The following EPHA6 variants were observed in gnomAD, a reference collection of about 807,000 sequenced individuals.
The protein encoded by EPHA6 is ephrin type-A receptor 6.
A neutral mutation model predicts 112.0 loss-of-function variants in EPHA6; 50 were observed. The observed-to-expected ratio is 0.45, with a 90% CI of 0.36 to 0.56. EPHA6 has a LOEUF of 0.56. EPHA6 is among the 20% of genes least tolerant of loss of function. The pLI, the probability that EPHA6 is intolerant of heterozygous loss-of-function variation, is 0.00. For synonymous variants in EPHA6, 529 were observed against 490.7 expected (o/e 1.08, Z -1.03); for missense variants, 1,280 against 1,417.4 (o/e 0.90, Z 1.56).
chr3:97,206,500 C>A (rs913529330), intron 3 of EPHA6, among the ~76,000 whole-genome samples: 11 of 152,146 alleles, frequency 7.2e-5, no homozygotes, highest in Admixed American at 3.3e-4. Flanking sequence ...TTGTGATACT[C>A]ATTTCCATGC....
At chr3:97,181,788 C>T (rs994529406) in intron 3 of EPHA6, among the ~76,000 whole-genome samples, 4 of 151,976 alleles carry the variant, frequency 2.6e-5, no homozygotes, top group African/African-American at 9.7e-5. Context: ...AATGGGAAAA[C>T]TAGATTTATA....
rs2035232975 is a variant in EPHA6 at position 97,735,909 on chromosome 3, A to G, written c.2935-16A>G. The stretch of plus-strand genomic sequence containing the variant: ...GCCTAAAAATAAGAGAGTAATCTGT[A>G]TATGTTTGCATTTAGGTCATTCTGT... On this transcript the variant is annotated splice_polypyrimidine_tract_variant and intron_variant, in intron 15 of 17. Transcript: ENST00000389672. 2 of 1,586,630 alleles carry G rather than the reference A, an allele frequency of 1.3e-6. No homozygotes were observed. Among genetic ancestry groups the G allele is most frequent in the East Asian group, 2.2e-5 (1 of 44,458 alleles).
At chr3:97,072,196 C>A (rs758241078) in intron 3 of EPHA6, among the ~76,000 whole-genome samples, 1 of 152,068 alleles carries the variant, frequency 6.6e-6, no homozygotes, top group East Asian at 1.9e-4. Context: ...CATGGGATAG[C>A]GTTCTATCCA....
At chr3:96,946,897 G>T (rs1016901167) in intron 2 of EPHA6, among the ~76,000 whole-genome samples, 2 of 152,132 alleles carry the variant, frequency 1.3e-5, no homozygotes, top group Admixed American at 1.3e-4. Flanking sequence ...TCTCACTGTG[G>T]TTTTGCTTTG....
chr3:97,378,670 T>A (rs1193619103), intron 5 of EPHA6, among the ~76,000 whole-genome samples: 1 of 152,196 alleles, frequency 6.6e-6, no homozygotes, highest in African/African-American at 2.4e-5. Flanking sequence ...ATGTCAGACC[T>A]GGAATCAAAG....
chr3:97,080,849 A>G (rs1038682365), intron 3 of EPHA6, among the ~76,000 whole-genome samples: 1 of 150,952 alleles, frequency 6.6e-6, no homozygotes, highest in Non-Finnish European at 1.5e-5. Context: ...TTTTTTTGGA[A>G]TATATAGGCT....
At chr3:97,632,059 A>G (rs1327334234) in intron 13 of EPHA6, among the ~76,000 whole-genome samples, 2 of 152,032 alleles carry the variant, frequency 1.3e-5, no homozygotes, top group Admixed American at 1.3e-4. Flanking sequence ...AGTAGTCATA[A>G]TCAGAGTCTT....
intron 14 of EPHA6, among the ~76,000 whole-genome samples, chr3:97,699,674 T>C (rs1187367317): frequency 6.6e-6 from 1 of 152,128 alleles, no homozygotes; most frequent in Non-Finnish European, 1.5e-5. Context: ...ACATAGAAAT[T>C]AAAACTTAAA....
At chr3:97,009,031 G>A (rs1255992813) in intron 3 of EPHA6, among the ~76,000 whole-genome samples, 1 of 152,054 alleles carries the variant, frequency 6.6e-6, no homozygotes, top group Non-Finnish European at 1.5e-5. Context: ...GACCTTGAAG[G>A]TCACCAACCT....
chr3:97,230,912 T>G (rs1315778724), intron 4 of EPHA6, among the ~76,000 whole-genome samples: 3 of 152,196 alleles, frequency 2.0e-5, no homozygotes, highest in Admixed American at 2.0e-4. Flanking sequence ...GTGATCCTTC[T>G]CTTCCTGAGA....
At chr3:97,197,043 A>G (rs1182104376) in intron 3 of EPHA6, among the ~76,000 whole-genome samples, 1 of 152,010 alleles carries the variant, frequency 6.6e-6, no homozygotes, top group Non-Finnish European at 1.5e-5. Flanking sequence ...AAATCCAGCC[A>G]GGCCTGTATT....
At chr3:97,010,114 C>T (rs144411107) in intron 3 of EPHA6, 109 of 1,259,144 alleles carry the variant, frequency 8.7e-5, no homozygotes, top group East Asian at 5.3e-4. Flanking sequence ...AAATATTAAA[C>T]GGTTACATTT....
chr3:97,665,944 C>A (rs1432824858), intron 14 of EPHA6, among the ~76,000 whole-genome samples: 1 of 152,072 alleles, frequency 6.6e-6, no homozygotes, highest in Non-Finnish European at 1.5e-5. Context: ...GTAATCCCAG[C>A]TACTCAGGAG....
At chr3:97,139,787 A>G (rs560934279) in intron 3 of EPHA6, among the ~76,000 whole-genome samples, 1 of 152,322 alleles carries the variant, frequency 6.6e-6, no homozygotes, top group African/African-American at 2.4e-5. Flanking sequence ...CAGTGTTGCG[A>G]CACCCCCAAA....
At chr3:96,981,565 C>T (rs62263734) in intron 2 of EPHA6, among the ~76,000 whole-genome samples, 18,160 of 152,014 alleles carry the variant, frequency 0.12, 1,505 homozygotes, top group African/African-American at 0.24. Flanking sequence ...ATGCTCGCCT[C>T]ATAAAATAAG....
chr3:97,431,076 T>C (rs1030314268), intron 6 of EPHA6, among the ~76,000 whole-genome samples: 1 of 152,126 alleles, frequency 6.6e-6, no homozygotes, highest in Non-Finnish European at 1.5e-5. Context: ...AGGGTTCTAA[T>C]ATTTGAAAAG....
At chr3:97,455,983 TG>T (rs1033406019) in intron 7 of EPHA6, among the ~76,000 whole-genome samples, 18 of 152,178 alleles carry the variant, frequency 1.2e-4, no homozygotes, top group African/African-American at 4.3e-4. Context: ...ATCATAACTT[TG>T]CTAAATGGGC....
In EPHA6 at chr3:97,758,659, T is replaced by G. The variant is rs1223379775; in HGVS notation, c.*9958T>G. On this transcript the variant is annotated 3_prime_UTR_variant, in exon 18 of 18. Transcript: ENST00000389672. Reference sequence around the variant, plus strand: ...TGTGCTTATAATTAAAAATGTTACATAGCATGACTGTGGCTCCTTTAAGCG... The same window carrying G: ...TGTGCTTATAATTAAAAATGTTACAGAGCATGACTGTGGCTCCTTTAAGCG... 2.0e-5 allele frequency among the ~76,000 whole-genome samples: 3 copies of G among 151,888 alleles called. No individual in the cohort carries two copies. The highest frequency in any genetic ancestry group is 4.8e-5 in the African/African-American group (2 of 41,378).
chr3:97,066,344 A>T (rs1384849452), intron 3 of EPHA6, among the ~76,000 whole-genome samples: 1 of 152,126 alleles, frequency 6.6e-6, no homozygotes, highest in African/African-American at 2.4e-5. Context: ...AAAAGTGAAA[A>T]TTTCTCTAAT....
Sources: allele counts gnomAD v4.1 joint callset (sites outside exome capture counted in the v4.1 genomes callset), GRCh38; gene constraint gnomAD v4.1.1; transcripts MANE v1.5; gene names NCBI Gene and HGNC (gene_info 2026-07-23, HGNC 2026-07-21).